The following ITPRID1 variants were observed in gnomAD, a reference collection of about 807,000 sequenced individuals.
ITPRID1 encodes protein ITPRID1.
ITPRID1 carries 96 observed loss-of-function variants against 95.4 expected under a neutral mutation model. That is an observed-to-expected ratio of 1.01 (90% CI 0.85 to 1.19). The LOEUF (loss-of-function observed/expected upper bound fraction) is 1.19, where lower values mean the gene tolerates loss of function less well. Ranked by LOEUF, ITPRID1 falls within the 50% of genes most tolerant of loss-of-function variation. The pLI is 0.00. For missense variants in ITPRID1, 1,339 were observed against 1,252.9 expected (o/e 1.07, Z -1.04); for synonymous variants, 510 against 453.6 (o/e 1.12, Z -1.58).
At chr7:31,658,095 A>G (rs989224677), downstream of ITPRID1, among the ~76,000 whole-genome samples, 1 of 152,126 alleles carries the variant, frequency 6.6e-6, no homozygotes, top group Admixed American at 6.5e-5. Flanking sequence ...ATGAGGGAAG[A>G]CCCAAGTTGC....
chr7:31,652,674 C>T lies in ITPRID1; in HGVS notation c.2980C>T (p.Pro994Ser). Reference sequence around the variant, plus strand: ...TCCTCCCGATGATGGCCAGGAGGCTCCCTGTTCAGGTGGGACCCAGTTGGC... The same window carrying T: ...TCCTCCCGATGATGGCCAGGAGGCTTCCTGTTCAGGTGGGACCCAGTTGGC... ...VFPPDDGQEA[P>S]CSGGTQLAAF... is the part of the protein sequence containing the mutation. The change falls in exon 15 of 15, where the codon CCC (proline) becomes TCC (serine). Residue 994 changes from proline (P) to serine (S), a missense_variant. Transcript: ENST00000615280. 2 of 1,613,892 alleles carry T rather than the reference C, an allele frequency of 1.2e-6. No individual in the cohort carries two copies. The highest frequency in any genetic ancestry group is 8.5e-7 in the Non-Finnish European group (1 of 1,179,868).
At chr7:31,520,686 G>A (rs1250751950) in intron 1 of ITPRID1, among the ~76,000 whole-genome samples, 2 of 151,978 alleles carry the variant, frequency 1.3e-5, no homozygotes, top group African/African-American at 4.8e-5. Context: ...ACCAAGATCT[G>A]GATACCAGCT....
intron 5 of ITPRID1, among the ~76,000 whole-genome samples, chr7:31,556,058 C>T (rs1279576999): frequency 2.0e-5 from 3 of 152,094 alleles, no homozygotes; most frequent in Non-Finnish European, 4.4e-5. Flanking sequence ...TTTTCTCTTG[C>T]CCCGGTTGTG....
intron 10 of ITPRID1, among the ~76,000 whole-genome samples, chr7:31,634,070 G>T (rs772734796): frequency 2.0e-5 from 3 of 152,110 alleles, no homozygotes; most frequent in Non-Finnish European, 2.9e-5. Flanking sequence ...CAGGGACCAG[G>T]TTCTTCCACT....
At position 31,615,155 on chromosome 7, in the gene ITPRID1, T is replaced by G. The variant is rs144241420; in HGVS notation, c.1229-27021T>G. Among the ~76,000 whole-genome samples the G allele has an allele frequency of 1.2e-3, 188 of 152,228 alleles. 2 individuals are homozygous for G. The East Asian group carries it at 0.033, about 26-fold the overall frequency. On this transcript the variant is annotated intron_variant, in intron 10 of 14. Coordinates refer to ENST00000615280, the MANE Select transcript of ITPRID1 (RefSeq NM_001257967.3). The stretch of plus-strand genomic sequence containing the variant: ...ACTTAGTCCTTAGAAACAAGGGTGA[T>G]CTAGGTTTGCTGAACACATACTGTA...
chr7:31,658,358 A>G (rs1456426878), downstream of ITPRID1: 4 of 1,519,972 alleles, frequency 2.6e-6, no homozygotes, highest in Admixed American at 4.3e-5. Flanking sequence ...AAATCAAAAG[A>G]CTTTCTGAAG....
intron 10 of ITPRID1, among the ~76,000 whole-genome samples, chr7:31,597,859 C>T (rs1357464503): frequency 1.3e-5 from 2 of 152,042 alleles, no homozygotes; most frequent in Non-Finnish European, 2.9e-5. Flanking sequence ...GGAATTTTCC[C>T]TGCTAGAAAT....
At position 31,615,197 on chromosome 7, in the gene ITPRID1, G is replaced by GTCTT. The variant is rs1396133345; in HGVS notation, c.1229-26977_1229-26974dup. On this transcript the variant is annotated intron_variant, in intron 10 of 14. Transcript: ENST00000615280. Reference sequence around the variant, plus strand: ...CATACTGTAGATATTTTCCCATTTAGTCTTTGGACATGGATATAGGGCTGA... The same window carrying GTCTT: ...CATACTGTAGATATTTTCCCATTTAGTCTTTCTTTGGACATGGATATAGGGCTGA... Among the ~76,000 whole-genome samples, 9 of 152,152 alleles carry GTCTT rather than the reference G, an allele frequency of 5.9e-5. No homozygotes were observed. In the South Asian group the frequency reaches 8.3e-4, roughly 14 times the overall value.
intron 1 of ITPRID1, among the ~76,000 whole-genome samples, chr7:31,522,951 TC>T (rs1039012742): frequency 1.3e-5 from 2 of 152,212 alleles, no homozygotes; most frequent in African/African-American, 2.4e-5. Flanking sequence ...CGTATTCAAA[TC>T]CTGCCACCTA....
chr7:31,592,545 G>C (rs139202422), intron 10 of ITPRID1, among the ~76,000 whole-genome samples: 1 of 152,204 alleles, frequency 6.6e-6, no homozygotes, highest in Non-Finnish European at 1.5e-5. Flanking sequence ...TTTTTCCATG[G>C]ACTAAGGCAG....
At chr7:31,554,370 C>T in intron 3 of ITPRID1, 105 bp from the exon 4 acceptor site, 2 of 1,470,144 alleles carry the variant, frequency 1.4e-6, no homozygotes, top group Non-Finnish European at 1.8e-6. Flanking sequence ...AAACATGTGA[C>T]TAAATATGTG....
intron 7 of ITPRID1, among the ~76,000 whole-genome samples, chr7:31,573,114 C>T (rs910356788): frequency 3.3e-5 from 5 of 152,084 alleles, no homozygotes; most frequent in Admixed American, 6.5e-5. Context: ...TTAAGATATC[C>T]AAATGGAGCC....
intron 6 of ITPRID1, among the ~76,000 whole-genome samples, chr7:31,571,029 T>TTTG (rs1554286188): frequency 4.0e-5 from 6 of 151,356 alleles, no homozygotes; most frequent in Non-Finnish European, 7.4e-5. Flanking sequence ...TATTGTTTTT[T>TTTG]TTTGTTTGTT....
intron 10 of ITPRID1, among the ~76,000 whole-genome samples, chr7:31,640,213 A>AATAGGAG (rs1355413963): frequency 6.6e-6 from 1 of 152,170 alleles, no homozygotes; most frequent in Non-Finnish European, 1.5e-5. Flanking sequence ...TGTCCTGTGA[A>AATAGGAG]ATAGGAGGTT....
At chr7:31,625,155 A>G (rs1788328499) in intron 10 of ITPRID1, among the ~76,000 whole-genome samples, 3 of 152,136 alleles carry the variant, frequency 2.0e-5, no homozygotes, top group African/African-American at 4.8e-5. Flanking sequence ...AGAAATAGGA[A>G]CACTTTTACA....
At chr7:31,529,702 A>G in intron 1 of ITPRID1, 2 of 1,354,382 alleles carry the variant, frequency 1.5e-6, no homozygotes, top group Non-Finnish European at 2.0e-6. Flanking sequence ...AGGGCTTTGT[A>G]GTCAGTCTTA....
chr7:31,612,013 C>T (rs1253568337), intron 10 of ITPRID1, among the ~76,000 whole-genome samples: 2 of 151,766 alleles, frequency 1.3e-5, no homozygotes, highest in East Asian at 3.9e-4. Flanking sequence ...TTTCACAGGT[C>T]TCTGAGGGTC....
At chr7:31,572,922 AT>A (rs1445648183) in intron 7 of ITPRID1, among the ~76,000 whole-genome samples, 1 of 152,222 alleles carries the variant, frequency 6.6e-6, no homozygotes, top group African/African-American at 2.4e-5. Flanking sequence ...CAATAAATAT[AT>A]GTATAAATGG....
At chr7:31,596,090 C>A (rs1412254588) in intron 10 of ITPRID1, among the ~76,000 whole-genome samples, 1 of 150,926 alleles carries the variant, frequency 6.6e-6, no homozygotes, top group African/African-American at 2.4e-5. Flanking sequence ...TTTGTGTTAT[C>A]AAATTTTATA....
Sources: gnomAD v4.1 joint callset for allele counts (sites outside exome capture counted in the v4.1 genomes callset) on GRCh38, gnomAD v4.1.1 for gene constraint, MANE v1.5 for transcripts, NCBI Gene and HGNC (gene_info 2026-07-23, HGNC 2026-07-21) for gene names.